The following TTC28 variants were observed in gnomAD, a reference collection of about 807,000 sequenced individuals.
The protein encoded by TTC28 is tetratricopeptide repeat protein 28.
In TTC28, 61 loss-of-function variants were observed where a neutral mutation model predicts 198.0. The observed-to-expected ratio is 0.31, with a 90% confidence interval of 0.25 to 0.38. The LOEUF (loss-of-function observed/expected upper bound fraction) is 0.38, where lower values mean the gene tolerates loss of function less well. TTC28 is among the 10% of genes least tolerant of loss of function. The pLI, the probability that TTC28 is intolerant of heterozygous loss-of-function variation, is 1.00. For synonymous variants in TTC28, 1,171 were observed against 1,297.8 expected (o/e 0.90, Z 2.10); for missense variants, 2,678 against 3,164.0 (o/e 0.85, Z 3.69).
chr22:28,494,624 C>T (rs2048426099), intron 2 of TTC28, among the ~76,000 whole-genome samples: 1 of 152,112 alleles, frequency 6.6e-6, no homozygotes, highest in Non-Finnish European at 1.5e-5. Context: ...TTTTGTGAAG[C>T]CCTGTACTGA....
At chr22:28,655,859 G>GAA (rs76468648) in intron 1 of TTC28, among the ~76,000 whole-genome samples, 10 of 114,942 alleles carry the variant, frequency 8.7e-5, no homozygotes, top group Admixed American at 9.1e-5. Context: ...TCAAAAAAAA[G>GAA]AAAAAAAAAA....
intron 2 of TTC28, among the ~76,000 whole-genome samples, chr22:28,324,208 T>A (rs183984157): frequency 8.7e-4 from 132 of 152,206 alleles, no homozygotes; most frequent in African/African-American, 3.0e-3. Flanking sequence ...TCCCAGCCAT[T>A]TGGGAGGCCG....
At chr22:27,996,352 C>T (rs1937552109) in intron 16 of TTC28, 93 bp from the exon 17 acceptor site, 1 of 1,486,778 alleles carries the variant, frequency 6.7e-7, no homozygotes, top group South Asian at 1.3e-5. Context: ...TCGAGGTTAA[C>T]CCAGCAGAAA....
chr22:28,386,695 T>C (rs2046603686), intron 2 of TTC28, among the ~76,000 whole-genome samples: 1 of 152,200 alleles, frequency 6.6e-6, no homozygotes, highest in Admixed American at 6.5e-5. Context: ...GAGAAGCCAC[T>C]AAATATTTAA....
intron 6 of TTC28, among the ~76,000 whole-genome samples, chr22:28,123,390 G>T (rs780008259): frequency 2.6e-5 from 4 of 152,060 alleles, no homozygotes; most frequent in Non-Finnish European, 1.5e-5. Context: ...CAAGTAGCTG[G>T]GACTACAAGC....
intron 2 of TTC28, among the ~76,000 whole-genome samples, chr22:28,512,017 C>G (rs1204041942): frequency 6.6e-6 from 1 of 151,734 alleles, no homozygotes; most frequent in East Asian, 1.9e-4. Context: ...GGAAAACCTA[C>G]AGAATGGGAG....
At position 28,160,064 on chromosome 22, in the gene TTC28, GT is replaced by G. The variant is rs541963112; in HGVS notation, c.1441+3027del. Among the ~76,000 whole-genome samples, 142 of 152,332 alleles carry G rather than the reference GT, an allele frequency of 9.3e-4. 1 individual carries two copies. Among genetic ancestry groups the G allele is most frequent in the African/African-American group, 3.2e-3 (135 of 41,578 alleles). On this transcript the variant is annotated intron_variant, in intron 6 of 22. Coordinates refer to ENST00000397906, the MANE Select transcript of TTC28 (RefSeq NM_001145418.2). ...GGATGGTTACCAGAGGCTGGGAAGGGTAGTGGGGGCACTGCAGGGAGAGGTG... is the reference window on the plus strand; with the variant it reads ...GGATGGTTACCAGAGGCTGGGAAGGGAGTGGGGGCACTGCAGGGAGAGGTG...
At position 28,032,177 on chromosome 22, in the gene TTC28, T is replaced by TATATATATATAAA. The variant is rs1217378428; in HGVS notation, c.3933-1824_3933-1812dup. 3.9e-5 allele frequency among the ~76,000 whole-genome samples: 3 copies of TATATATATATAAA among 77,424 alleles called. 1 individual carries two copies. The highest frequency in any genetic ancestry group is 1.8e-4 in the Admixed American group (1 of 5,632). The allele number at this position is 77,424 out of a possible 152,430, so 50.8% of individuals were successfully genotyped here. The stretch of plus-strand genomic sequence containing the variant: ...TATCTACTTAGTGTGTGTATATATA[T>TATATATATATAAA]ATATATATATAAAATATATATATAT... On this transcript the variant is annotated intron_variant, in intron 12 of 22. Transcript: ENST00000397906.
intron 1 of TTC28, among the ~76,000 whole-genome samples, chr22:28,634,632 C>T (rs2051236424): frequency 6.8e-6 from 1 of 146,916 alleles, no homozygotes; most frequent in South Asian, 2.2e-4. Flanking sequence ...GTTGCCCTGG[C>T]TGGAGGGCAG....
intron 2 of TTC28, among the ~76,000 whole-genome samples, chr22:28,341,920 A>G (rs1194255010): frequency 6.6e-6 from 1 of 152,100 alleles, no homozygotes; most frequent in African/African-American, 2.4e-5. Flanking sequence ...TCAAGGTTAC[A>G]GTGAGCTATG....
At chr22:28,542,313 G>C (rs1202278315) in intron 2 of TTC28, among the ~76,000 whole-genome samples, 34 of 152,224 alleles carry the variant, frequency 2.2e-4, no homozygotes, top group South Asian at 4.1e-4. Context: ...GCGGCCAATG[G>C]AACAATATCA....
chr22:28,621,189 A>T lies in TTC28; in HGVS notation c.381+8363T>A, dbSNP rs548212454. 1.6e-4 allele frequency among the ~76,000 whole-genome samples: 25 copies of T among 152,290 alleles called. No homozygotes were observed. The South Asian group carries it at 2.5e-3, about 15-fold the overall frequency. On this transcript the variant is annotated intron_variant, in intron 2 of 22. Coordinates refer to ENST00000397906, the MANE Select transcript of TTC28 (RefSeq NM_001145418.2). ...TTATTTTTTAATTCCAATTTTCCAC[A>T]AACTTTTTGAAGACTCCTCCTAAAG...
At chr22:28,479,692 AG>A (rs1191747522) in intron 2 of TTC28, among the ~76,000 whole-genome samples, 1 of 152,184 alleles carries the variant, frequency 6.6e-6, no homozygotes, top group Admixed American at 6.5e-5. Context: ...CATGAGCATA[AG>A]TATATATTCA....
intron 5 of TTC28, among the ~76,000 whole-genome samples, chr22:28,226,092 G>A (rs1928322082): frequency 6.6e-6 from 1 of 152,188 alleles, no homozygotes; most frequent in Admixed American, 6.5e-5. Context: ...AGATAAAGCT[G>A]CTATGAATGT....
chr22:28,182,479 A>C (rs1434186331), intron 5 of TTC28, among the ~76,000 whole-genome samples: 3 of 152,226 alleles, frequency 2.0e-5, no homozygotes, highest in Non-Finnish European at 4.4e-5. Flanking sequence ...ACAAGTGCAC[A>C]TATGAGAGGC....
chr22:28,368,782 T>C lies in TTC28; in HGVS notation c.382-62139A>G, dbSNP rs370873699. ...AATCTGAAAAAGAAATCAAAAAAAG[T>C]AATCTCATTTATAATAGCCACAGAT... On this transcript the variant is annotated intron_variant, in intron 2 of 22. Transcript: ENST00000397906. Among the ~76,000 whole-genome samples, 211 of 152,012 alleles carry C rather than the reference T, an allele frequency of 1.4e-3. 6 individuals carry two copies. In the South Asian group the frequency reaches 0.041, roughly 30 times the overall value.
rs913255073 is a variant in TTC28 at position 28,273,043 on chromosome 22, G to T, written c.933+23155C>A. Among the ~76,000 whole-genome samples the T allele has an allele frequency of 7.9e-5, 12 of 152,178 alleles. 1 individual carries two copies. Among genetic ancestry groups the T allele is most frequent in the Non-Finnish European group, 1.3e-4 (9 of 68,016 alleles). On this transcript the variant is annotated intron_variant, in intron 5 of 22. Coordinates refer to ENST00000397906, the MANE Select transcript of TTC28 (RefSeq NM_001145418.2). ...ACCTGGTAAGTACCTCAGATTTAAA[G>T]CTGGGACAATTAAAGGACTAAAGCC...
intron 5 of TTC28, among the ~76,000 whole-genome samples, chr22:28,221,976 GAAAC>G (rs1374797310): frequency 6.6e-6 from 1 of 152,182 alleles, no homozygotes; most frequent in Non-Finnish European, 1.5e-5. Context: ...AAAAATTATT[GAAAC>G]AAATGCAGGA....
intron 5 of TTC28, among the ~76,000 whole-genome samples, chr22:28,247,775 A>G (rs1197746325): frequency 1.3e-5 from 2 of 152,210 alleles, no homozygotes. Context: ...TAAAATGTAT[A>G]TGATATATGT....
Sources: gnomAD v4.1 joint callset for allele counts (sites outside exome capture counted in the v4.1 genomes callset) on GRCh38, gnomAD v4.1.1 for gene constraint, MANE v1.5 for transcripts, NCBI Gene and HGNC (gene_info 2026-07-23, HGNC 2026-07-21) for gene names.